Variants in SLC24A2 observed in about 807,000 individuals in gnomAD.
SLC24A2 encodes solute carrier family 24 member 2.
A neutral mutation model predicts 62.0 loss-of-function variants in SLC24A2; 36 were observed. That is an observed-to-expected ratio of 0.58 (90% CI 0.44 to 0.77). The LOEUF (loss-of-function observed/expected upper bound fraction) is 0.77. Among genes scored for constraint, SLC24A2 ranks in the 30% least tolerant of loss-of-function variants. The pLI is 0.00. For synonymous variants in SLC24A2, 358 were observed against 294.0 expected, an observed-to-expected ratio of 1.22 and a Z score of -2.23; for missense variants, 846 against 817.9, an observed-to-expected ratio of 1.03 and a Z score of -0.42.
chr9:19,960,172 C>G, the SLC24A2 span, among the ~76,000 whole-genome samples: 1 of 151,994 alleles, frequency 6.6e-6, no homozygotes, highest in Non-Finnish European at 1.5e-5. Flanking sequence ...CATTTTATAT[C>G]CTAACACACA....
chr9:19,708,901 C>T (rs1283250373), intron 2 of SLC24A2, among the ~76,000 whole-genome samples: 1 of 152,068 alleles, frequency 6.6e-6, no homozygotes, highest in Non-Finnish European at 1.5e-5. Context: ...CCAAAATTGA[C>T]AAATGGGATC....
chr9:20,273,428 T>C, the SLC24A2 span, among the ~76,000 whole-genome samples: 2 of 152,180 alleles, frequency 1.3e-5, no homozygotes, highest in Non-Finnish European at 2.9e-5. Flanking sequence ...CCAAATCTCA[T>C]CTTGTAGCTC....
intron 5 of SLC24A2, among the ~76,000 whole-genome samples, chr9:19,579,946 A>G (rs931667954): frequency 6.6e-6 from 1 of 152,222 alleles, no homozygotes; most frequent in African/African-American, 2.4e-5. Flanking sequence ...TCCAAGGAAA[A>G]TCTAGGAGAA....
At chr9:20,085,306 C>G in the SLC24A2 span, among the ~76,000 whole-genome samples, 1 of 152,144 alleles carries the variant, frequency 6.6e-6, no homozygotes, top group African/African-American at 2.4e-5. Flanking sequence ...GCCCCAAGGT[C>G]TGTTTTGAAT....
the SLC24A2 span, among the ~76,000 whole-genome samples, chr9:20,192,756 G>T: frequency 4.9e-4 from 75 of 152,310 alleles, no homozygotes; most frequent in African/African-American, 1.8e-3. Context: ...CTGGGCATCA[G>T]TATTTTTTTG....
chr9:19,974,012 A>G, the SLC24A2 span, among the ~76,000 whole-genome samples: 1 of 152,182 alleles, frequency 6.6e-6, no homozygotes, highest in South Asian at 2.1e-4. Context: ...TCACATTTAT[A>G]GATTATTGAT....
chr9:19,636,488 G>A (rs1363886660), intron 2 of SLC24A2, among the ~76,000 whole-genome samples: 1 of 150,398 alleles, frequency 6.6e-6, no homozygotes, highest in Non-Finnish European at 1.5e-5. Context: ...CTGCAGTGCA[G>A]TGGTGTGATC....
At chr9:19,825,301 C>G in the SLC24A2 span, among the ~76,000 whole-genome samples, 1 of 152,024 alleles carries the variant, frequency 6.6e-6, no homozygotes, top group Non-Finnish European at 1.5e-5. Flanking sequence ...CTAGAGTTTC[C>G]CTTTTATTTT....
the SLC24A2 span, among the ~76,000 whole-genome samples, chr9:19,830,535 C>T: frequency 1.3e-5 from 2 of 152,180 alleles, no homozygotes; most frequent in Non-Finnish European, 2.9e-5. Flanking sequence ...GACCAACAAT[C>T]ATTCATTCGA....
chr9:20,182,196 C>A, the SLC24A2 span, among the ~76,000 whole-genome samples: 1 of 152,184 alleles, frequency 6.6e-6, no homozygotes, highest in South Asian at 2.1e-4. Context: ...TAAATTAGTT[C>A]AACCATTGTG....
chr9:20,162,565 G>A, the SLC24A2 span, among the ~76,000 whole-genome samples: 3 of 152,000 alleles, frequency 2.0e-5, no homozygotes, highest in Non-Finnish European at 4.4e-5. Flanking sequence ...GGAGGAACTG[G>A]TACCATTCCT....
At chr9:20,122,149 T>C in the SLC24A2 span, among the ~76,000 whole-genome samples, 1 of 152,218 alleles carries the variant, frequency 6.6e-6, no homozygotes, top group African/African-American at 2.4e-5. Flanking sequence ...TGTTCACAAG[T>C]TACAAGAATT....
At chr9:19,844,806 G>C in the SLC24A2 span, among the ~76,000 whole-genome samples, 37 of 152,216 alleles carry the variant, frequency 2.4e-4, no homozygotes, top group African/African-American at 6.7e-4. Context: ...TGTTGACTTT[G>C]TTGAAGATCA....
At chr9:19,653,776 A>G (rs372501680) in intron 2 of SLC24A2, among the ~76,000 whole-genome samples, 5 of 152,172 alleles carry the variant, frequency 3.3e-5, no homozygotes, top group Non-Finnish European at 4.4e-5. Context: ...AAACATTCCA[A>G]TGTGACAGCT....
chr9:20,241,204 C>G, the SLC24A2 span, among the ~76,000 whole-genome samples: 6 of 152,232 alleles, frequency 3.9e-5, no homozygotes, highest in African/African-American at 1.2e-4. Context: ...TTCTTACATT[C>G]ACCATATTAG....
the SLC24A2 span, among the ~76,000 whole-genome samples, chr9:20,074,555 C>CAGGAAGGAAGGT: frequency 1.1e-5 from 1 of 87,316 alleles, no homozygotes; most frequent in Non-Finnish European, 2.2e-5. Context: ...GAGAAGAAGG[C>CAGGAAGGAAGGT]AGGAAGGAAG....
At chr9:19,564,354 T>C (rs1835560341) in intron 7 of SLC24A2, among the ~76,000 whole-genome samples, 1 of 152,190 alleles carries the variant, frequency 6.6e-6, no homozygotes, top group Non-Finnish European at 1.5e-5. Flanking sequence ...AAGCAGATCT[T>C]AAAAACTCCA....
At chr9:19,531,034 C>A (rs1056405454) in intron 8 of SLC24A2, among the ~76,000 whole-genome samples, 7 of 152,098 alleles carry the variant, frequency 4.6e-5, no homozygotes, top group African/African-American at 1.4e-4. Flanking sequence ...CCAGGCTCTG[C>A]TCTGAATGTC....
At chr9:20,276,517 T>C in the SLC24A2 span, among the ~76,000 whole-genome samples, 2 of 152,222 alleles carry the variant, frequency 1.3e-5, no homozygotes, top group African/African-American at 4.8e-5. Context: ...CTGTGGCTTT[T>C]CCAGGTACAT....
Sources: allele counts gnomAD v4.1 joint callset (sites outside exome capture counted in the v4.1 genomes callset), GRCh38; gene constraint gnomAD v4.1.1; transcripts MANE v1.5; gene names NCBI Gene and HGNC (gene_info 2026-07-23, HGNC 2026-07-21).